Variants in VDR observed in about 807,000 individuals in gnomAD.
VDR encodes the protein vitamin D3 receptor.
Under a neutral mutation model 39.7 loss-of-function variants are expected in VDR, and 19 were observed. The ratio of observed to expected loss-of-function variants is 0.48; its 90% confidence interval spans 0.33 to 0.70. The LOEUF (loss-of-function observed/expected upper bound fraction) is 0.70. Ranked by LOEUF, VDR falls within the 30% of genes least tolerant of loss-of-function variation. The pLI is 0.02. For synonymous variants in VDR, 242 were observed against 215.8 expected (o/e 1.12, Z -1.07); for missense variants, 442 against 570.5 (o/e 0.77, Z 2.29).
In VDR at chr12:47,842,411, A is replaced by G. The variant is rs993760669; in HGVS notation, c.*2335T>C. 7 of 152,366 alleles carry G rather than the reference A, an allele frequency of 4.6e-5. No individual in the cohort carries two copies. Among genetic ancestry groups the G allele is most frequent in the Non-Finnish European group, 8.8e-5 (6 of 68,050 alleles). 9.4% of individuals were successfully genotyped at this position (152,366 alleles called of 1,614,324 possible). A position where few individuals can be genotyped will look rare whatever the true frequency, so the allele number is the denominator to read the frequency against. ...GGAATGAGAGTGGGGGTCTGAGCTC[A>G]AACATGGTGTAGTGAAAAGGACACC... On this transcript the variant is annotated 3_prime_UTR_variant, in exon 10 of 10. Coordinates refer to ENST00000549336, the MANE Select transcript of VDR (RefSeq NM_000376.3).
intron 1 of VDR, chr12:47,899,901 G>C: frequency 1.0e-6 from 1 of 985,560 alleles, no homozygotes; most frequent in African/African-American, 1.7e-5. Flanking sequence ...CCTGGCATGA[G>C]GCTATCAGAG....
chr12:47,868,732 A>G (rs1945785917), intron 3 of VDR, among the ~76,000 whole-genome samples: 1 of 151,172 alleles, frequency 6.6e-6, no homozygotes, highest in Non-Finnish European at 1.5e-5. Context: ...CTCAAGGACC[A>G]GAAGTTTCTA....
intron 1 of VDR, among the ~76,000 whole-genome samples, chr12:47,891,771 A>G (rs1327176023): frequency 6.7e-6 from 1 of 150,244 alleles, no homozygotes; most frequent in Non-Finnish European, 1.5e-5. Context: ...TCCATCCCCC[A>G]CCTCCCCCAT....
chr12:47,846,082 G>C, intron 9 of VDR, among the ~76,000 whole-genome samples: 1 of 152,224 alleles, frequency 6.6e-6, no homozygotes, highest in East Asian at 1.9e-4. Context: ...CAGGAACCCT[G>C]CTTATCTAGT....
chr12:47,885,206 G>C (rs1178375887), intron 1 of VDR, among the ~76,000 whole-genome samples: 1 of 152,194 alleles, frequency 6.6e-6, no homozygotes, highest in Non-Finnish European at 1.5e-5. Flanking sequence ...AGAAGCAGAG[G>C]GGGAGGAGCT....
At chr12:47,862,824 C>T (rs1328988247) in intron 4 of VDR, among the ~76,000 whole-genome samples, 4 of 152,256 alleles carry the variant, frequency 2.6e-5, no homozygotes, top group Non-Finnish European at 5.9e-5. Flanking sequence ...TGAAGCTGGA[C>T]TAACCTGAGG....
chr12:47,855,665 C>T lies in VDR; in HGVS notation c.720G>A (p.Lys240=). ...GTATCATCTTAGCAAAGCCAATGACCTTTTGGATGCTGTAACTGACCAGGT... is the reference window on the plus strand; with the variant it reads ...GTATCATCTTAGCAAAGCCAATGACTTTTTGGATGCTGTAACTGACCAGGT... ...LADLVSYSIQ[K]VIGFAKMIPG... The change falls in exon 7 of 10, where the codon AAG becomes AAA. Residue 240 remains lysine, a synonymous_variant. Coordinates refer to ENST00000549336, the MANE Select transcript of VDR (RefSeq NM_000376.3). 8.7e-6 allele frequency: 14 copies of T among 1,614,120 alleles called. No homozygotes were observed. The highest frequency in any genetic ancestry group is 1.2e-5 in the Non-Finnish European group (14 of 1,180,030).
chr12:47,891,205 TCAGATGCC>T (rs1316579057), intron 1 of VDR, among the ~76,000 whole-genome samples: 6 of 152,300 alleles, frequency 3.9e-5, no homozygotes, highest in Non-Finnish European at 7.4e-5. Flanking sequence ...TGACCACTGT[TCAGATGCC>T]CCCAGAGCCC....
intron 1 of VDR, among the ~76,000 whole-genome samples, chr12:47,903,821 T>G (rs1007205138): frequency 2.0e-5 from 3 of 152,094 alleles, no homozygotes; most frequent in African/African-American, 7.2e-5. Flanking sequence ...AGATGTAGAT[T>G]TATCATAAAG....
At chr12:47,873,297 A>T (rs1317341082) in intron 3 of VDR, among the ~76,000 whole-genome samples, 1 of 148,340 alleles carries the variant, frequency 6.7e-6, no homozygotes, top group Non-Finnish European at 1.5e-5. Flanking sequence ...CATGATTGTA[A>T]GTTTCTGAGG....
intron 7 of VDR, among the ~76,000 whole-genome samples, chr12:47,848,985 T>C (rs765031648): frequency 1.3e-5 from 2 of 152,142 alleles, no homozygotes; most frequent in Admixed American, 6.5e-5. Context: ...TAGAGATGCG[T>C]TGATGATTTG....
intron 4 of VDR, among the ~76,000 whole-genome samples, chr12:47,864,586 T>C (rs913915584): frequency 5.3e-5 from 8 of 152,164 alleles, no homozygotes; most frequent in African/African-American, 1.9e-4. Context: ...ATTCTCCCCA[T>C]CACTCCTGCC....
intron 7 of VDR, among the ~76,000 whole-genome samples, chr12:47,851,133 T>C (rs1945380424): frequency 6.6e-6 from 1 of 152,122 alleles, no homozygotes; most frequent in South Asian, 2.1e-4. Flanking sequence ...GAAATGGCAA[T>C]GAAGGTGAAG....
intron 4 of VDR, among the ~76,000 whole-genome samples, chr12:47,862,611 G>A (rs1945648437): frequency 6.6e-6 from 1 of 152,214 alleles, no homozygotes; most frequent in African/African-American, 2.4e-5. Context: ...TTCCCTTCCT[G>A]TGCCTCTTCT....
At chr12:47,849,704 C>A (rs1235674184) in intron 7 of VDR, among the ~76,000 whole-genome samples, 1 of 152,198 alleles carries the variant, frequency 6.6e-6, no homozygotes, top group Admixed American at 6.5e-5. Context: ...ACACCATCCC[C>A]ATTTTTGTTT....
intron 7 of VDR, among the ~76,000 whole-genome samples, chr12:47,851,635 T>C (rs1945389405): frequency 6.6e-6 from 1 of 152,246 alleles, no homozygotes; most frequent in Admixed American, 6.5e-5. Flanking sequence ...AGAGAGCTAC[T>C]GGGCTGGCCC....
rs141290737 is a variant in VDR, at chr12:47,880,628, G to A, written c.-2-1513C>T. Reference sequence around the variant, plus strand: ...AGAGGGAATCCCGGTCACAGACCTCGGAGATTCCCTAACCTCATTTAGCTT... The same window carrying A: ...AGAGGGAATCCCGGTCACAGACCTCAGAGATTCCCTAACCTCATTTAGCTT... On this transcript the variant is annotated intron_variant, in intron 2 of 9. Coordinates refer to ENST00000549336, the MANE Select transcript of VDR (RefSeq NM_000376.3). 4.4e-3 allele frequency among the ~76,000 whole-genome samples: 667 copies of A among 152,180 alleles called. 3 individuals are homozygous for A. Among genetic ancestry groups the A allele is most frequent in the Non-Finnish European group, 6.5e-3 (444 of 68,002 alleles).
intron 3 of VDR, among the ~76,000 whole-genome samples, chr12:47,866,215 C>T (rs1249252546): frequency 6.6e-6 from 1 of 151,890 alleles, no homozygotes; most frequent in African/African-American, 2.4e-5. Context: ...TCATGCCGTT[C>T]TCCTGCCTCA....
intron 7 of VDR, among the ~76,000 whole-genome samples, chr12:47,849,429 C>T (rs562443327): frequency 1.9e-4 from 29 of 152,316 alleles, no homozygotes; most frequent in African/African-American, 7.0e-4. Context: ...GGGTTGTTAG[C>T]GCCGAGATTA....
Sources: gnomAD v4.1 joint callset for allele counts (sites outside exome capture counted in the v4.1 genomes callset) on GRCh38, gnomAD v4.1.1 for gene constraint, MANE v1.5 for transcripts, NCBI Gene and HGNC (gene_info 2026-07-23, HGNC 2026-07-21) for gene names.